The following MECOM variants were observed in gnomAD, a reference collection of about 807,000 sequenced individuals.
MECOM encodes the protein histone-lysine N-methyltransferase MECOM.
MECOM carries 13 observed loss-of-function variants against 116.3 expected under a neutral mutation model. The observed-to-expected ratio is 0.11, with a 90% CI of 0.07 to 0.18. The LOEUF is 0.18. Among genes scored for constraint, MECOM ranks in the 10% least tolerant of loss-of-function variants. The pLI is 1.00. For missense variants in MECOM, 1,299 were observed against 1,509.0 expected, an observed-to-expected ratio of 0.86 and a Z score of 2.31; for synonymous variants, 528 against 535.2, an observed-to-expected ratio of 0.99 and a Z score of 0.19.
chr3:169,345,642 C>T (rs756963073), intron 2 of MECOM, among the ~76,000 whole-genome samples: 5 of 152,092 alleles, frequency 3.3e-5, no homozygotes, highest in Non-Finnish European at 7.4e-5. Context: ...CCCTCATTAC[C>T]AGGAGAGCTG....
intron 10 of MECOM, among the ~76,000 whole-genome samples, chr3:169,107,380 A>G (rs1291582803): frequency 2.0e-5 from 3 of 152,180 alleles, no homozygotes; most frequent in Non-Finnish European, 4.4e-5. Flanking sequence ...AAGTCAAGGA[A>G]GTGAAACTAG....
At chr3:169,635,999 C>G (rs1772701890) in intron 1 of MECOM, among the ~76,000 whole-genome samples, 1 of 152,144 alleles carries the variant, frequency 6.6e-6, no homozygotes, top group Non-Finnish European at 1.5e-5. Context: ...AGAGCTCCAA[C>G]TTGAAAAAGT....
chr3:169,263,386 C>G (rs906986172), intron 2 of MECOM, among the ~76,000 whole-genome samples: 1 of 151,504 alleles, frequency 6.6e-6, no homozygotes, highest in Non-Finnish European at 1.5e-5. Context: ...CCTTGGCCTC[C>G]CAAAGTGCTG....
At chr3:169,335,000 G>T (rs1018790786) in intron 2 of MECOM, among the ~76,000 whole-genome samples, 1 of 152,106 alleles carries the variant, frequency 6.6e-6, no homozygotes, top group African/African-American at 2.4e-5. Flanking sequence ...TTCTAAAAGG[G>T]CTCCAGTTCT....
intron 10 of MECOM, among the ~76,000 whole-genome samples, chr3:169,102,465 G>T (rs1249738200): frequency 6.6e-6 from 1 of 152,140 alleles, no homozygotes; most frequent in Non-Finnish European, 1.5e-5. Flanking sequence ...CCTTGGTTAG[G>T]CCATTTTATC....
intron 2 of MECOM, among the ~76,000 whole-genome samples, chr3:169,363,021 G>T (rs1728556452): frequency 6.6e-6 from 1 of 151,842 alleles, no homozygotes; most frequent in South Asian, 2.1e-4. Context: ...AAATCGCTTA[G>T]ATTAAAATTT....
Position 169,123,764 on chromosome 3 carries a change from CA to C in MECOM, c.831-1038del, listed in dbSNP as rs200438347. Among the ~76,000 whole-genome samples the C allele has an allele frequency of 1.5e-4, 23 of 151,976 alleles. No homozygotes were observed. In the East Asian group the frequency reaches 4.4e-3, roughly 29 times the overall value. The stretch of plus-strand genomic sequence containing the variant: ...AGGCAAGCAATTTATAGATAATATC[CA>C]AAAAATTAGGGTTCCAACTTGAAGA... On this transcript the variant is annotated intron_variant, in intron 5 of 16. Coordinates refer to ENST00000651503, the MANE Select transcript of MECOM (RefSeq NM_004991.4).
chr3:169,310,948 C>T (rs541650217), intron 2 of MECOM, among the ~76,000 whole-genome samples: 3 of 152,270 alleles, frequency 2.0e-5, no homozygotes, highest in African/African-American at 7.2e-5. Flanking sequence ...AAATTACCAA[C>T]TAAATGATAA....
intron 1 of MECOM, among the ~76,000 whole-genome samples, chr3:169,387,819 G>T (rs865827519): frequency 6.6e-6 from 1 of 151,994 alleles, no homozygotes; most frequent in African/African-American, 2.4e-5. Flanking sequence ...CAGGCAGACT[G>T]GTTGAGATCA....
At chr3:169,085,306 A>AG (rs1717315568) in intron 16 of MECOM, among the ~76,000 whole-genome samples, 1 of 152,206 alleles carries the variant, frequency 6.6e-6, no homozygotes, top group Non-Finnish European at 1.5e-5. Flanking sequence ...GCTTCCATTG[A>AG]GAAAAATGAG....
rs10711289 is a variant in MECOM at position 169,450,582 on chromosome 3, GAA to G, written c.38-69060_38-69059del. Among the ~76,000 whole-genome samples, 842 of 146,318 alleles carry G rather than the reference GAA, an allele frequency of 5.8e-3. 6 individuals are homozygous for G. The highest frequency in any genetic ancestry group is 0.049 in the East Asian group (247 of 5,040). ...GCAGCTTACATCTTCAGGACAAAAC[GAA>G]AAAAAAAAAATGATGACAAAAAAGA... On this transcript the variant is annotated intron_variant, in intron 1 of 16. Coordinates refer to ENST00000651503, the MANE Select transcript of MECOM (RefSeq NM_004991.4).
intron 1 of MECOM, among the ~76,000 whole-genome samples, chr3:169,459,080 C>A (rs577478810): frequency 4.6e-5 from 7 of 152,182 alleles, no homozygotes; most frequent in Admixed American, 4.6e-4. Flanking sequence ...TGTTTTAGAG[C>A]GTTTCCCATT....
At chr3:169,647,129 T>C (rs1774288686) in intron 1 of MECOM, among the ~76,000 whole-genome samples, 1 of 152,208 alleles carries the variant, frequency 6.6e-6, no homozygotes. Flanking sequence ...TATTTCTGGA[T>C]TTAAAAAAAT....
chr3:169,523,291 G>A (rs1757570919), intron 1 of MECOM, among the ~76,000 whole-genome samples: 1 of 152,166 alleles, frequency 6.6e-6, no homozygotes, highest in South Asian at 2.1e-4. Context: ...GGCCTATAAA[G>A]AGAAGCCTAG....
intron 1 of MECOM, among the ~76,000 whole-genome samples, chr3:169,662,969 G>GAGGGAAGGAA (rs1191876540): frequency 9.3e-5 from 14 of 151,024 alleles, no homozygotes; most frequent in African/African-American, 3.4e-4. Flanking sequence ...GAGGGGAGGG[G>GAGGGAAGGAA]GAGACTTTCT....
At chr3:169,088,143 T>A (rs1382452669) in intron 16 of MECOM, among the ~76,000 whole-genome samples, 1 of 152,142 alleles carries the variant, frequency 6.6e-6, no homozygotes, top group Non-Finnish European at 1.5e-5. Context: ...ACATTGCAGG[T>A]CAGGCCACAT....
chr3:169,169,900 T>C (rs887393979), intron 2 of MECOM, among the ~76,000 whole-genome samples: 1 of 151,814 alleles, frequency 6.6e-6, no homozygotes, highest in Non-Finnish European at 1.5e-5. Context: ...AAGGCCTAGA[T>C]GATATCTTAC....
intron 1 of MECOM, among the ~76,000 whole-genome samples, chr3:169,394,629 T>C (rs1174667393): frequency 6.6e-6 from 1 of 152,186 alleles, no homozygotes; most frequent in Non-Finnish European, 1.5e-5. Context: ...GATTTCCACT[T>C]TCTATTATTT....
chr3:169,163,233 C>T (rs1743100612), intron 2 of MECOM, among the ~76,000 whole-genome samples: 1 of 151,994 alleles, frequency 6.6e-6, no homozygotes, highest in Non-Finnish European at 1.5e-5. Flanking sequence ...AGCAAGTGTA[C>T]TTAAATATTT....
Sources: gnomAD v4.1 joint callset for allele counts (sites outside exome capture counted in the v4.1 genomes callset) on GRCh38, gnomAD v4.1.1 for gene constraint, MANE v1.5 for transcripts, NCBI Gene and HGNC (gene_info 2026-07-23, HGNC 2026-07-21) for gene names.